Variants in DNAAF11 observed in about 807,000 individuals in gnomAD.
DNAAF11 encodes leucine rich repeat containing 6.
DNAAF11 carries 45 observed loss-of-function variants against 60.8 expected under a neutral mutation model. The ratio of observed to expected loss-of-function variants is 0.74; its 90% CI spans 0.58 to 0.95. The LOEUF is 0.95. Ranked by LOEUF, DNAAF11 falls within the 40% of genes least tolerant of loss-of-function variation. The pLI is 0.00. For missense variants in DNAAF11, 546 were observed against 546.2 expected, an observed-to-expected ratio of 1.00 and a Z score of 0.00; for synonymous variants, 191 against 183.5, an observed-to-expected ratio of 1.04 and a Z score of -0.33.
intron 8 of DNAAF11, among the ~76,000 whole-genome samples, chr8:132,612,442 G>A (rs1202831982): frequency 6.6e-6 from 1 of 152,202 alleles, no homozygotes; most frequent in African/African-American, 2.4e-5. Flanking sequence ...TTCTCTGGCA[G>A]AAATAATTGT....
At chr8:132,684,959 A>G in the DNAAF11 span, 3 of 152,220 alleles carry the variant, frequency 2.0e-5, no homozygotes, top group African/African-American at 4.8e-5. Context: ...TGTCTCATCC[A>G]TTACACACAT....
chr8:132,585,479 G>A (rs4496949), intron 10 of DNAAF11, among the ~76,000 whole-genome samples: 3 of 152,076 alleles, frequency 2.0e-5, no homozygotes, highest in African/African-American at 7.2e-5. Context: ...ACACTAGACT[G>A]GGGGAAAATA....
chr8:132,583,867 TA>T, intron 10 of DNAAF11, 88 bp from the exon 11 acceptor site: 1 of 872,080 alleles, frequency 1.1e-6, no homozygotes, highest in Non-Finnish European at 1.9e-6. Context: ...TAAAAGATAC[TA>T]AAACATTTTA....
At chr8:132,577,268 T>C (rs1814846269) in intron 11 of DNAAF11, among the ~76,000 whole-genome samples, 1 of 152,166 alleles carries the variant, frequency 6.6e-6, no homozygotes, top group Non-Finnish European at 1.5e-5. Context: ...GCCAACAGAA[T>C]ACAAAGATGC....
intron 3 of DNAAF11, among the ~76,000 whole-genome samples, chr8:132,647,585 G>C (rs1179644544): frequency 2.0e-5 from 3 of 152,068 alleles, no homozygotes; most frequent in Non-Finnish European, 2.9e-5. Context: ...CTGGTTTTTT[G>C]AAAAGAGCAA....
At chr8:132,635,358 G>A (rs1397424321) in intron 4 of DNAAF11, among the ~76,000 whole-genome samples, 1 of 152,126 alleles carries the variant, frequency 6.6e-6, no homozygotes, top group Non-Finnish European at 1.5e-5. Flanking sequence ...ATGTACTGAA[G>A]GCCTCACAGA....
At chr8:132,662,349 A>G (rs943136555) in intron 1 of DNAAF11, among the ~76,000 whole-genome samples, 1 of 152,172 alleles carries the variant, frequency 6.6e-6, no homozygotes, top group Non-Finnish European at 1.5e-5. Flanking sequence ...TGGACATAGC[A>G]CTATCTATGG....
intron 7 of DNAAF11, among the ~76,000 whole-genome samples, chr8:132,619,657 G>C (rs1403018175): frequency 6.6e-6 from 1 of 152,166 alleles, no homozygotes; most frequent in Admixed American, 6.5e-5. Flanking sequence ...CCATTAAATG[G>C]GGGCAGAGAA....
intron 3 of DNAAF11, among the ~76,000 whole-genome samples, chr8:132,654,856 G>A (rs1823389343): frequency 6.6e-6 from 1 of 151,776 alleles, no homozygotes; most frequent in Non-Finnish European, 1.5e-5. Context: ...CTAATTGTCT[G>A]TCTTAAGAAA....
At chr8:132,590,986 T>C (rs1816401909) in intron 10 of DNAAF11, among the ~76,000 whole-genome samples, 1 of 152,244 alleles carries the variant, frequency 6.6e-6, no homozygotes, top group Non-Finnish European at 1.5e-5. Flanking sequence ...TATCATTTAA[T>C]GGACTGGTTT....
chr8:132,691,307 G>A, the DNAAF11 span, among the ~76,000 whole-genome samples: 1 of 152,002 alleles, frequency 6.6e-6, no homozygotes, highest in Non-Finnish European at 1.5e-5. Context: ...TTGGTTTCTA[G>A]GTCATTTTGA....
At chr8:132,629,978 T>C (rs1407137504) in intron 5 of DNAAF11, among the ~76,000 whole-genome samples, 1 of 152,212 alleles carries the variant, frequency 6.6e-6, no homozygotes, top group Admixed American at 6.5e-5. Context: ...AAAACCTCAT[T>C]GAAGGACTCA....
At chr8:132,674,636 C>T (rs1285163093) in intron 1 of DNAAF11, among the ~76,000 whole-genome samples, 3 of 152,204 alleles carry the variant, frequency 2.0e-5, no homozygotes, top group South Asian at 2.1e-4. Flanking sequence ...CGCCTGTAAT[C>T]GCAGCACTTT....
the DNAAF11 span, among the ~76,000 whole-genome samples, chr8:132,680,981 G>GT: frequency 8.4e-6 from 1 of 119,224 alleles, no homozygotes; most frequent in Non-Finnish European, 1.7e-5. Flanking sequence ...ACCGCAATTA[G>GT]TTTTGCACCC....
chr8:132,629,557 C>A (rs1435359538), intron 5 of DNAAF11, among the ~76,000 whole-genome samples: 1 of 151,946 alleles, frequency 6.6e-6, no homozygotes, highest in East Asian at 1.9e-4. Flanking sequence ...CCATGTTAGC[C>A]AGGATGGTCT....
At chr8:132,575,788 C>T (rs1057089152) in intron 11 of DNAAF11, among the ~76,000 whole-genome samples, 2 of 152,108 alleles carry the variant, frequency 1.3e-5, no homozygotes, top group African/African-American at 2.4e-5. Context: ...AACCTGTTAC[C>T]TTCAGAGAGT....
chr8:132,601,673 C>CA, intron 10 of DNAAF11, among the ~76,000 whole-genome samples: 1 of 151,992 alleles, frequency 6.6e-6, no homozygotes, highest in African/African-American at 2.4e-5. Context: ...ATCACAAGGA[C>CA]AAAAAACCAA....
In DNAAF11 at chr8:132,629,335, C is replaced by T. The variant is rs117761088; in HGVS notation, c.653+3405G>A. Among the ~76,000 whole-genome samples, 104 of 148,926 alleles carry T rather than the reference C, an allele frequency of 7.0e-4. No homozygotes were observed. The East Asian group carries it at 0.02, about 28-fold the overall frequency. On this transcript the variant is annotated intron_variant, in intron 5 of 11. Coordinates refer to ENST00000620350, the MANE Select transcript of DNAAF11 (RefSeq NM_012472.6). ...AACAAGATAACAAGATACAGATACCCATTCTCTTTTTTTTTTTCTTTTTTT... is the reference window on the plus strand; with the variant it reads ...AACAAGATAACAAGATACAGATACCTATTCTCTTTTTTTTTTTCTTTTTTT...
intron 3 of DNAAF11, chr8:132,643,546 G>C: frequency 2.3e-6 from 1 of 437,034 alleles, no homozygotes. Flanking sequence ...AAATGGGTCC[G>C]TATGCCATAT....
Sources: gnomAD v4.1 joint callset for allele counts (sites outside exome capture counted in the v4.1 genomes callset) on GRCh38, gnomAD v4.1.1 for gene constraint, MANE v1.5 for transcripts, NCBI Gene and HGNC (gene_info 2026-07-23, HGNC 2026-07-21) for gene names.